The following ROBO3 variants were observed in gnomAD, a reference collection of about 807,000 sequenced individuals.
ROBO3 encodes roundabout homolog 3.
ROBO3 carries 97 observed loss-of-function variants against 160.5 expected under a neutral mutation model. That is an observed-to-expected ratio of 0.60 (90% CI 0.51 to 0.72). ROBO3 has a LOEUF of 0.72. Ranked by LOEUF, ROBO3 falls within the 30% of genes least tolerant of loss-of-function variation. The pLI, the probability that ROBO3 is intolerant of heterozygous loss-of-function variation, is 0.00. For synonymous variants in ROBO3, 780 were observed against 746.2 expected, an observed-to-expected ratio of 1.05 and a Z score of -0.74; for missense variants, 1,858 against 1,846.5, an observed-to-expected ratio of 1.01 and a Z score of -0.11.
rs74787566 is a variant in ROBO3, at chr11:124,874,137, G to C, written c.1852G>C (p.Gly618Arg). The C allele has an allele frequency of 6.2e-7, 1 of 1,613,944 alleles. No individual in the cohort carries two copies. The highest frequency in any genetic ancestry group is 8.5e-7 in the Non-Finnish European group (1 of 1,179,892). ...GCAGCTGGAGACACACACAGTCAGC[G>C]GTCTGCAGCCCAATACCATCTACCT... ...GVQLETHTVS[G>R]LQPNTIYLFL... Residue 618 changes from glycine (G) to arginine (R), a missense_variant, in exon 12 of 28, where the codon GGT becomes CGT. Transcript: ENST00000397801.
In ROBO3 at chr11:124,865,665, C is replaced by T; in HGVS notation, c.88C>T (p.Leu30Phe). ...GGACATCTCCAACTCCAGCGAGCTG[C>T]TCTTGGGCTTCAACTCCTCGCTGGC... ...AGDISNSSEL[L>F]LGFNSSLAAL... The change falls in exon 1 of 28, where the codon CTC (leucine) becomes TTC (phenylalanine). Residue 30 changes from leucine (L) to phenylalanine (F), a missense_variant. Transcript: ENST00000397801. The surrounding 1 kb of genome is among the most constrained non-coding windows in gnomAD (Gnocchi z 5.5). 3.1e-6 allele frequency: 5 copies of T among 1,612,664 alleles called. No homozygotes were observed. The highest frequency in any genetic ancestry group is 4.2e-6 in the Non-Finnish European group (5 of 1,179,520).
Position 124,872,460 on chromosome 11 carries a change from C to T in ROBO3, c.1238C>T (p.Ala413Val), listed in dbSNP as rs1946290014. The change falls in exon 8 of 28, where the codon GCG (alanine) becomes GTG (valine). Residue 413 changes from alanine (A) to valine (V), a missense_variant. Ala to Val is a moderately conservative substitution (Grantham distance 64). Transcript: ENST00000397801. This position sits in a 1 kb window ranked among gnomAD's most constrained non-coding sequence, Gnocchi z 4.3. ...VSPRGQLNIT[A>V]VQRGDAGYYV... ...CCAAGAGGCCAACTTAACATCACCG[C>T]GGTGCAGCGTGGGGATGCTGGGTAC... 5 of 1,613,942 alleles carry T rather than the reference C, an allele frequency of 3.1e-6. No individual in the cohort carries two copies. Among genetic ancestry groups the T allele is most frequent in the South Asian group, 1.1e-5 (1 of 91,080 alleles).
chr11:124,869,429 G>GGGGGGC lies in ROBO3; in HGVS notation c.488-21_488-20insGGGGGC. On this transcript the variant is annotated intron_variant, in intron 2 of 27. Coordinates refer to ENST00000397801, the MANE Select transcript of ROBO3 (RefSeq NM_022370.4). This position sits in a 1 kb window ranked among gnomAD's most constrained non-coding sequence, Gnocchi z 4.2. ...TGTCACTCTACACCCTGCTTATTTC[G>GGGGGGC]CCCCCCACCGCCCCGCCCAGTCCTC... is the stretch of plus-strand genomic sequence containing the variant. 1.5e-6 allele frequency: 2 copies of GGGGGGC among 1,295,758 alleles called. No individual in the cohort carries two copies. The highest frequency in any genetic ancestry group is 2.2e-6 in the Non-Finnish European group (2 of 929,936). The allele number at this position is 1,295,758 out of a possible 1,614,324, so 80.3% of individuals were successfully genotyped here.
Position 124,876,428 on chromosome 11 carries a change from G to A in ROBO3, c.2747G>A (p.Arg916Gln). The part of the protein sequence containing the change: ...LGLCAALYWR[R>Q]KQRKELSHYT... The stretch of plus-strand genomic sequence containing the variant: ...CTCTGCGCCGCCCTCTACTGGCGCC[G>A]GAAACAGCGCAAAGAGCTCAGCCAC... Residue 916 changes from arginine (R) to glutamine (Q), a missense_variant, in exon 17 of 28, where the codon CGG becomes CAG. Transcript: ENST00000397801. This position sits in a 1 kb window ranked among gnomAD's most constrained non-coding sequence, Gnocchi z 5.3. The A allele has an allele frequency of 6.9e-7, 1 of 1,446,676 alleles. No individual in the cohort carries two copies. 89.6% of individuals were successfully genotyped at this position (1,446,676 alleles called of 1,614,324 possible). A position where few individuals can be genotyped will look rare whatever the true frequency, so the allele number is the denominator to read the frequency against.
At position 124,872,960 on chromosome 11, in the gene ROBO3, G is replaced by T. The variant is rs760431299; in HGVS notation, c.1407G>T (p.Trp469Cys). 6.2e-7 allele frequency: 1 copy of T among 1,613,292 alleles called. No individual in the cohort carries two copies. Among genetic ancestry groups the T allele is most frequent in the Non-Finnish European group, 8.5e-7 (1 of 1,179,818 alleles). ...CGCTGGTGCTTGGCTCCTCCGTGTG[G>T]CTGCCCTGCAGAGTGACTGGGAACC... is the stretch of plus-strand genomic sequence containing the variant. The part of the protein sequence containing the change: ...NQTLVLGSSV[W>C]LPCRVTGNPQ... The change falls in exon 9 of 28, where the codon TGG becomes TGT. Residue 469 changes from tryptophan to cysteine, a missense_variant. Trp to Cys is a radical substitution (Grantham distance 215). Transcript: ENST00000397801. This position sits in a 1 kb window ranked among gnomAD's most constrained non-coding sequence, Gnocchi z 4.3.
chr11:124,880,285 C>G (rs1946542873), intron 26 of ROBO3, 133 bp from the exon 27 acceptor site: 13 of 1,424,560 alleles, frequency 9.1e-6, no homozygotes, highest in African/African-American at 1.4e-5. Flanking sequence ...CTCCTCAGCC[C>G]CAGGCTGGCT....
At chr11:124,877,456 C>T in intron 19 of ROBO3, 63 bp from the exon 20 acceptor site, 1 of 1,599,504 alleles carries the variant, frequency 6.3e-7, no homozygotes, top group African/African-American at 1.3e-5. Flanking sequence ...ATATCGCCAC[C>T]TCCCTTTCCT....
chr11:124,870,422 A>G, intron 5 of ROBO3, 119 bp downstream of exon 5: 2 of 1,478,718 alleles, frequency 1.4e-6, no homozygotes, highest in Non-Finnish European at 1.8e-6. Flanking sequence ...TGTTCCCTAG[A>G]GCCTGTGGCC....
At chr11:124,871,282 T>C in intron 7 of ROBO3, 144 bp downstream of exon 7, 2 of 967,320 alleles carry the variant, frequency 2.1e-6, no homozygotes, top group Admixed American at 2.9e-5. Context: ...TTTGAGAGGA[T>C]TAAGTAAGAT....
chr11:124,868,818 G>A lies in ROBO3; in HGVS notation c.177G>A (p.Pro59=), dbSNP rs1425179412. ...DPSLNGSRVG[P]EDAMPRIVEQ... Reference sequence around the variant, plus strand: ...TGTCCCCAGGGTCAAGGGTAGGACCGGAGGACGCTATGCCCCGCATCGTGG... The same window carrying A: ...TGTCCCCAGGGTCAAGGGTAGGACCAGAGGACGCTATGCCCCGCATCGTGG... Residue 59 remains proline, a synonymous_variant, in exon 2 of 28, where the codon CCG becomes CCA. Coordinates refer to ENST00000397801, the MANE Select transcript of ROBO3 (RefSeq NM_022370.4). The A allele has an allele frequency of 2.5e-6, 4 of 1,609,420 alleles. No homozygotes were observed. The highest frequency in any genetic ancestry group is 3.4e-6 in the Non-Finnish European group (4 of 1,178,394).
rs778522624 is a variant in ROBO3 at position 124,874,884 on chromosome 11, C to A, written c.2048C>A (p.Pro683His). Residue 683 changes from proline to histidine, a missense_variant, in exon 13 of 28, where the codon CCC (proline) becomes CAC (histidine). Coordinates refer to ENST00000397801, the MANE Select transcript of ROBO3 (RefSeq NM_022370.4). Reference sequence around the variant, plus strand: ...CTGCAGGAGCCCATAGTCCTGGGACCCCGGACCCTGCAGGTGTCCTGGACT... The same window carrying A: ...CTGCAGGAGCCCATAGTCCTGGGACACCGGACCCTGCAGGTGTCCTGGACT... ...VRLQEPIVLG[P>H]RTLQVSWTVD... The A allele has an allele frequency of 1.2e-6, 2 of 1,602,930 alleles. No individual in the cohort carries two copies.
intron 17 of ROBO3, 25 bp from the exon 18 acceptor site, chr11:124,877,136 T>C: frequency 6.2e-7 from 1 of 1,613,504 alleles, no homozygotes; most frequent in South Asian, 1.1e-5. Flanking sequence ...ACCTCTTCTT[T>C]CTCCCACGGG....
In ROBO3 at chr11:124,880,535, G is replaced by A. The variant is rs767737763; in HGVS notation, c.4076G>A (p.Arg1359Gln). Residue 1359 changes from arginine to glutamine, a missense_variant, in exon 27 of 28, where the codon CGG becomes CAG. Coordinates refer to ENST00000397801, the MANE Select transcript of ROBO3 (RefSeq NM_022370.4). ...GGCTCCAGCAGCTCTAGGGGCTCCC[G>A]GGGCCCTGGCCGGAGCCGGAGTCGG... Reference protein sequence around the residue: ...SRGSSSSRGSRGPGRSRSRSQ... With the variant: ...SRGSSSSRGSQGPGRSRSRSQ... 15 of 1,563,154 alleles carry A rather than the reference G, an allele frequency of 9.6e-6. No homozygotes were observed. In the South Asian group the frequency reaches 1.2e-4, roughly 12 times the overall value.
rs762100525 is a variant in ROBO3 at position 124,870,585 on chromosome 11, G to A, written c.906-16G>A. On this transcript the variant is annotated splice_polypyrimidine_tract_variant and intron_variant, in intron 5 of 27. Coordinates refer to ENST00000397801, the MANE Select transcript of ROBO3 (RefSeq NM_022370.4). ...GTAGCTGTGGCCAACCCAGCCTGGGGTGGGGAGTGGAGCAGGTATGAGATC... is the reference window on the plus strand; with the variant it reads ...GTAGCTGTGGCCAACCCAGCCTGGGATGGGGAGTGGAGCAGGTATGAGATC... The A allele has an allele frequency of 6.2e-7, 1 of 1,613,718 alleles. No homozygotes were observed. The highest frequency in any genetic ancestry group is 2.2e-5 in the East Asian group (1 of 44,878).
In ROBO3 at chr11:124,880,404, C is replaced by T; in HGVS notation, c.3959-14C>T. 6.2e-7 allele frequency: 1 copy of T among 1,613,044 alleles called. No homozygotes were observed. Among genetic ancestry groups the T allele is most frequent in the Non-Finnish European group, 8.5e-7 (1 of 1,179,492 alleles). The stretch of plus-strand genomic sequence containing the variant: ...CCTGCCTGCACCTGGCTACCCTTCC[C>T]TCTTGTGCTGCAGAAGAGGCCTGGC... On this transcript the variant is annotated splice_polypyrimidine_tract_variant and intron_variant, in intron 26 of 27. Coordinates refer to ENST00000397801, the MANE Select transcript of ROBO3 (RefSeq NM_022370.4).
rs534127323 is a variant in ROBO3, at chr11:124,876,068, G to A, written c.2536G>A (p.Ala846Thr). The change falls in exon 16 of 28, where the codon GCG becomes ACG. Residue 846 changes from alanine (A) to threonine (T), a missense_variant. Transcript: ENST00000397801. The surrounding 1 kb of genome is among the most constrained non-coding windows in gnomAD (Gnocchi z 5.3). ...VPGLLYRTLV[A>T]AATSAGVGVP... ...CGGTCTCCTCTATCGAACCCTGGTCGCGGCGGCCACCAGCGCAGGCGTGGG... is the reference window on the plus strand; with the variant it reads ...CGGTCTCCTCTATCGAACCCTGGTCACGGCGGCCACCAGCGCAGGCGTGGG... 6.2e-7 allele frequency: 1 copy of A among 1,609,828 alleles called. No individual in the cohort carries two copies. Among genetic ancestry groups the A allele is most frequent in the East Asian group, 2.2e-5 (1 of 44,798 alleles).
At position 124,878,229 on chromosome 11, in the gene ROBO3, C is replaced by A; in HGVS notation, c.3182-69C>A. Reference sequence around the variant, plus strand: ...CCTCTGGCACCTAGCCCGGCACTTCCTTCTGACCTGTCTCATCTCTGGCTC... The same window carrying A: ...CCTCTGGCACCTAGCCCGGCACTTCATTCTGACCTGTCTCATCTCTGGCTC... On this transcript the variant is annotated intron_variant, in intron 21 of 27. Coordinates refer to ENST00000397801, the MANE Select transcript of ROBO3 (RefSeq NM_022370.4). The surrounding 1 kb of genome is among the most constrained non-coding windows in gnomAD (Gnocchi z 4.3). The A allele has an allele frequency of 6.3e-7, 1 of 1,590,014 alleles. No individual in the cohort carries two copies. Among genetic ancestry groups the A allele is most frequent in the Non-Finnish European group, 8.6e-7 (1 of 1,165,738 alleles).
At position 124,876,549 on chromosome 11, in the gene ROBO3, G is replaced by A. The variant is rs1301590348; in HGVS notation, c.2779+89G>A. ...AGGGGCTTAGCCGCTGGCGAGTGAG[G>A]ACCGGGTCGGGAGAAAGGGGTCGCA... On this transcript the variant is annotated intron_variant, in intron 17 of 27. Coordinates refer to ENST00000397801, the MANE Select transcript of ROBO3 (RefSeq NM_022370.4). This position sits in a 1 kb window ranked among gnomAD's most constrained non-coding sequence, Gnocchi z 5.3. The A allele has an allele frequency of 8.6e-7, 1 of 1,162,640 alleles. No individual in the cohort carries two copies. The highest frequency in any genetic ancestry group is 1.1e-6 in the Non-Finnish European group (1 of 894,194). 72.0% of individuals were successfully genotyped at this position (1,162,640 alleles called of 1,614,324 possible).
At chr11:124,880,085 C>T (rs563653083) in intron 26 of ROBO3, 137 bp downstream of exon 26, 1 of 907,666 alleles carries the variant, frequency 1.1e-6, no homozygotes, top group Non-Finnish European at 1.6e-6. Flanking sequence ...ACTCCCCTGT[C>T]TCTCTAACTC....
Sources: gnomAD v4.1 joint callset for allele counts on GRCh38, gnomAD v4.1.1 for gene constraint, Gnocchi (gnomAD v3.1) non-coding constraint, MANE v1.5 for transcripts, NCBI Gene and HGNC (gene_info 2026-07-23, HGNC 2026-07-21) for gene names.